The following SDK1 variants were observed in gnomAD, a reference collection of about 807,000 sequenced individuals.
The protein encoded by SDK1 is protein sidekick-1.
Under a neutral mutation model 245.5 loss-of-function variants are expected in SDK1, and 157 were observed. The ratio of observed to expected loss-of-function variants is 0.64; its 90% CI spans 0.56 to 0.73. The LOEUF (loss-of-function observed/expected upper bound fraction) is 0.73. Among genes scored for constraint, SDK1 ranks in the 30% least tolerant of loss-of-function variants. The pLI is 0.00. For missense variants in SDK1, 3,583 were observed against 3,002.3 expected (o/e 1.19, Z -4.52); for synonymous variants, 1,647 against 1,278.5 (o/e 1.29, Z -6.15).
chr7:4,187,954 G>A (rs1782987218), intron 35 of SDK1, among the ~76,000 whole-genome samples: 3 of 141,640 alleles, frequency 2.1e-5, no homozygotes. Context: ...ACGTGGCTGG[G>A]GAAGGTGAAA....
rs115549259 is a variant in SDK1 at position 3,663,908 on chromosome 7, T to G, written c.713+21803T>G. Among the ~76,000 whole-genome samples, 630 of 152,356 alleles carry G rather than the reference T, an allele frequency of 4.1e-3. 7 individuals carry two copies. The highest frequency in any genetic ancestry group is 0.014 in the African/African-American group (602 of 41,582). On this transcript the variant is annotated intron_variant, in intron 4 of 44. Coordinates refer to ENST00000404826, the MANE Select transcript of SDK1 (RefSeq NM_152744.4). ...CTTTTCAAAGCATTTTTCTTAGGAATGTATCATTGTCACTGTAGGAAGAAG... is the reference window on the plus strand; with the variant it reads ...CTTTTCAAAGCATTTTTCTTAGGAAGGTATCATTGTCACTGTAGGAAGAAG...
intron 5 of SDK1, among the ~76,000 whole-genome samples, chr7:3,932,824 C>T (rs75098607): frequency 6.6e-6 from 1 of 152,318 alleles, no homozygotes; most frequent in Non-Finnish European, 1.5e-5. Context: ...ACAATGTGTA[C>T]ACAAAAGAGA....
intron 4 of SDK1, among the ~76,000 whole-genome samples, chr7:3,793,270 A>AT (rs1266167949): frequency 6.6e-6 from 1 of 152,172 alleles, no homozygotes; most frequent in Non-Finnish European, 1.5e-5. Context: ...TCAATGATTC[A>AT]TTTACTCAGC....
chr7:3,303,822 TTGAAAA>T (rs555997052), intron 1 of SDK1, among the ~76,000 whole-genome samples: 172 of 152,318 alleles, frequency 1.1e-3, no homozygotes, highest in African/African-American at 4.0e-3. Context: ...CTCATGTATC[TTGAAAA>T]TGAAAATTCT....
rs367950856 is a variant in SDK1 at position 4,051,715 on chromosome 7, T to C, written c.2796T>C (p.His932=). ...TIAPDFHGVH[H]GHITNLKKFT... ...CCCCAGATTTCCACGGAGTCCACCATGGACACATAACGAACCTGAAGAAGT... is the reference window on the plus strand; with the variant it reads ...CCCCAGATTTCCACGGAGTCCACCACGGACACATAACGAACCTGAAGAAGT... Residue 932 remains histidine (H), a synonymous_variant, in exon 19 of 45, where the codon CAT becomes CAC. Transcript: ENST00000404826. 1 of 1,614,042 alleles carries C rather than the reference T, an allele frequency of 6.2e-7. No individual in the cohort carries two copies. Among genetic ancestry groups the C allele is most frequent in the Non-Finnish European group, 8.5e-7 (1 of 1,179,974 alleles).
Position 3,936,391 on chromosome 7 carries a change from C to A in SDK1, c.848-14532C>A, listed in dbSNP as rs545541821. 8.6e-5 allele frequency among the ~76,000 whole-genome samples: 13 copies of A among 151,984 alleles called. 1 individual carries two copies. The highest frequency in any genetic ancestry group is 2.0e-4 in the Admixed American group (3 of 15,264). Reference sequence around the variant, plus strand: ...GGTCAGGAGATCGAGAACATCCTGGCTAACACGGTGAAACCCCATCTGTAC... The same window carrying A: ...GGTCAGGAGATCGAGAACATCCTGGATAACACGGTGAAACCCCATCTGTAC... On this transcript the variant is annotated intron_variant, in intron 5 of 44. Coordinates refer to ENST00000404826, the MANE Select transcript of SDK1 (RefSeq NM_152744.4).
intron 4 of SDK1, among the ~76,000 whole-genome samples, chr7:3,784,928 A>T (rs1780853191): frequency 6.6e-6 from 1 of 152,250 alleles, no homozygotes; most frequent in South Asian, 2.1e-4. Flanking sequence ...CATTATTCAC[A>T]GTAGCTGAGC....
intron 1 of SDK1, among the ~76,000 whole-genome samples, chr7:3,605,442 T>A (rs1252238408): frequency 6.6e-6 from 1 of 152,224 alleles, no homozygotes; most frequent in Non-Finnish European, 1.5e-5. Context: ...ATCTACTTCA[T>A]TGCTCAGGCA....
At chr7:3,996,659 A>G (rs1378570858) in intron 14 of SDK1, among the ~76,000 whole-genome samples, 1 of 152,234 alleles carries the variant, frequency 6.6e-6, no homozygotes, top group Non-Finnish European at 1.5e-5. Context: ...TTGTAGGAAC[A>G]TAGGAAAACC....
At chr7:3,543,223 A>G (rs1301948357) in intron 1 of SDK1, among the ~76,000 whole-genome samples, 4 of 152,262 alleles carry the variant, frequency 2.6e-5, no homozygotes, top group Non-Finnish European at 2.9e-5. Context: ...TACTGTAGAG[A>G]ACTTGCCATT....
At position 4,182,891 on chromosome 7, in the gene SDK1, C is replaced by A. The variant is rs34136002; in HGVS notation, c.5098+4305C>A. Among the ~76,000 whole-genome samples the A allele has an allele frequency of 2.6e-5, 4 of 152,212 alleles. No homozygotes were observed. The South Asian group carries it at 8.3e-4, about 32-fold the overall frequency. ...TAACCGCCCAGCAGGCTCCTCCTGCCTGCAGCACAGACAAAACCAGTTCAC... is the reference window on the plus strand; with the variant it reads ...TAACCGCCCAGCAGGCTCCTCCTGCATGCAGCACAGACAAAACCAGTTCAC... On this transcript the variant is annotated intron_variant, in intron 35 of 44. Transcript: ENST00000404826.
chr7:4,054,657 A>G (rs1779092665), intron 19 of SDK1, among the ~76,000 whole-genome samples: 1 of 152,086 alleles, frequency 6.6e-6, no homozygotes. Flanking sequence ...GATTTCTAGT[A>G]CTATGCTGAA....
intron 5 of SDK1, among the ~76,000 whole-genome samples, chr7:3,913,195 G>A (rs149234306): frequency 6.6e-6 from 1 of 152,154 alleles, no homozygotes. Context: ...CCAGCTCCTG[G>A]CTCGCGCTAA....
At chr7:3,941,669 C>T (rs887450202) in intron 5 of SDK1, among the ~76,000 whole-genome samples, 1 of 152,184 alleles carries the variant, frequency 6.6e-6, no homozygotes. Context: ...TGCCATCTCC[C>T]TTCTCTTTGG....
intron 1 of SDK1, among the ~76,000 whole-genome samples, chr7:3,564,348 G>A (rs1465068545): frequency 6.6e-6 from 1 of 151,972 alleles, no homozygotes; most frequent in Non-Finnish European, 1.5e-5. Flanking sequence ...ATAAAATACA[G>A]GACAATGCTG....
chr7:3,412,517 C>G (rs895748493), intron 1 of SDK1, among the ~76,000 whole-genome samples: 1 of 152,212 alleles, frequency 6.6e-6, no homozygotes, highest in Non-Finnish European at 1.5e-5. Context: ...ATTTATTTAA[C>G]CAGTCTCTTG....
intron 14 of SDK1, among the ~76,000 whole-genome samples, chr7:3,989,164 C>T (rs1185073013): frequency 6.6e-6 from 1 of 152,184 alleles, no homozygotes; most frequent in Non-Finnish European, 1.5e-5. Context: ...GGGCAATTTA[C>T]AGAGGAAAGA....
intron 17 of SDK1, among the ~76,000 whole-genome samples, chr7:4,028,720 G>A (rs1263907867): frequency 1.3e-5 from 2 of 152,206 alleles, no homozygotes; most frequent in Admixed American, 6.5e-5. Flanking sequence ...TTCCAGTCAA[G>A]TATCCCTTTT....
chr7:3,820,407 C>G (rs1021118521), intron 4 of SDK1, among the ~76,000 whole-genome samples: 1 of 152,174 alleles, frequency 6.6e-6, no homozygotes, highest in Admixed American at 6.5e-5. Flanking sequence ...CTCGCCCTCC[C>G]AAAGTGCTGG....
Sources: gnomAD v4.1 joint callset for allele counts (sites outside exome capture counted in the v4.1 genomes callset) on GRCh38, gnomAD v4.1.1 for gene constraint, MANE v1.5 for transcripts, NCBI Gene and HGNC (gene_info 2026-07-23, HGNC 2026-07-21) for gene names.